KIFC3: variants seen among roughly 807,000 people sequenced by gnomAD.
KIFC3 encodes kinesin family member C3, also known as kinesin-like protein KIFC3.
Under a neutral mutation model 101.8 loss-of-function variants are expected in KIFC3, and 60 were observed. The ratio of observed to expected loss-of-function variants is 0.59; its 90% confidence interval spans 0.48 to 0.73. The LOEUF (loss-of-function observed/expected upper bound fraction) is 0.73, where lower values mean the gene tolerates loss of function less well. Ranked by LOEUF, KIFC3 falls within the 30% of genes least tolerant of loss-of-function variation. KIFC3 has a pLI of 0.00. For synonymous variants in KIFC3, 476 were observed against 482.7 expected (o/e 0.99, Z 0.18); for missense variants, 966 against 1,137.1 (o/e 0.85, Z 2.16).
At chr16:57,844,659 C>T (rs114359874) in intron 1 of KIFC3, among the ~76,000 whole-genome samples, 2,219 of 152,218 alleles carry the variant, frequency 0.015, 57 homozygotes, top group African/African-American at 0.051. Context: ...CTCCCCACCG[C>T]CCCCTCCGCA....
At chr16:57,759,900 C>G in intron 17 of KIFC3, 64 bp from the exon 18 acceptor site, 6 of 1,238,844 alleles carry the variant, frequency 4.8e-6, no homozygotes, top group Non-Finnish European at 6.8e-6. Flanking sequence ...CCCTGCTGTG[C>G]TTCTCTCTAC....
chr16:57,762,338 C>A, intron 12 of KIFC3, 68 bp from the exon 13 acceptor site: 1 of 1,395,296 alleles, frequency 7.2e-7, no homozygotes. Context: ...GGTGTCTGTC[C>A]CCAAAGCCCC....
chr16:57,816,507 C>T lies in KIFC3; in HGVS notation c.109-18225G>A, dbSNP rs782795643. On this transcript the variant is annotated intron_variant, in intron 1 of 2. Coordinates refer to the KIFC3 transcript ENST00000563028. ...ACGGGCCCTGCTGGGAAGCAGCTGA[C>T]GTTCCTTGTCTGCGCCTTACAAAAC... is the stretch of plus-strand genomic sequence containing the variant. 2.4e-4 allele frequency: 111 copies of T among 456,804 alleles called. 1 individual carries two copies. The highest frequency in any genetic ancestry group is 4.7e-4 in the Non-Finnish European group (107 of 227,128). 28.3% of individuals were successfully genotyped at this position (456,804 alleles called of 1,614,324 possible). A position where few individuals can be genotyped will look rare whatever the true frequency, so the allele number is the denominator to read the frequency against.
intron 3 of KIFC3, among the ~76,000 whole-genome samples, chr16:57,793,353 GA>G (rs1477490557): frequency 6.6e-6 from 1 of 151,590 alleles, no homozygotes; most frequent in Non-Finnish European, 1.5e-5. Flanking sequence ...AGCACTTTGG[GA>G]GGCTGGGGCG....
chr16:57,856,700 A>C (rs1201809776), intron 1 of KIFC3, among the ~76,000 whole-genome samples: 1 of 152,172 alleles, frequency 6.6e-6, no homozygotes, highest in African/African-American at 2.4e-5. Context: ...TCAGAAGGAA[A>C]GTGTGTATAT....
chr16:57,765,443 A>G lies in KIFC3; in HGVS notation c.1512+16T>C, dbSNP rs1597906525. The G allele has an allele frequency of 1.0e-5, 16 of 1,558,228 alleles. No homozygotes were observed. Among genetic ancestry groups the G allele is most frequent in the Non-Finnish European group, 1.4e-5 (16 of 1,146,948 alleles). ...CTCTCCCTTGCTTTCCCTTTCCCGC[A>G]TGGGGCCACACTCACGTCCTGCTGC... is the stretch of plus-strand genomic sequence containing the variant. On this transcript the variant is annotated intron_variant, in intron 11 of 19. Coordinates refer to ENST00000445690, the MANE Select transcript of KIFC3 (RefSeq NM_001130100.2).
intron 1 of KIFC3, among the ~76,000 whole-genome samples, chr16:57,822,108 A>G (rs1171634351): frequency 6.6e-6 from 1 of 152,088 alleles, no homozygotes; most frequent in East Asian, 1.9e-4. Context: ...CTAAAACAAA[A>G]AACTGCAAGT....
chr16:57,860,032 T>TAAAAC lies in KIFC3; in HGVS notation c.108+2696_108+2697insGTTTT, dbSNP rs1377738930. On this transcript the variant is annotated intron_variant, in intron 1 of 2. Coordinates refer to the KIFC3 transcript ENST00000563028. ...GTGAGACTCTGTCTCAAAAATAAAA[T>TAAAAC]AAAATAAAATAAAATAAAATAAAAT... is the stretch of plus-strand genomic sequence containing the variant. 4.5e-3 allele frequency among the ~76,000 whole-genome samples: 321 copies of TAAAAC among 71,498 alleles called. 1 individual carries two copies. Among genetic ancestry groups the TAAAAC allele is most frequent in the Non-Finnish European group, 6.1e-3 (248 of 40,642 alleles). 46.9% of individuals were successfully genotyped at this position (71,498 alleles called of 152,430 possible). A position where few individuals can be genotyped will look rare whatever the true frequency, so the allele number is the denominator to read the frequency against.
chr16:57,820,154 C>T (rs1480895321), intron 1 of KIFC3, among the ~76,000 whole-genome samples: 3 of 152,238 alleles, frequency 2.0e-5, no homozygotes, highest in African/African-American at 4.8e-5. Flanking sequence ...CCATTGCACC[C>T]GGCTACCTTC....
At chr16:57,855,957 A>G in intron 1 of KIFC3, among the ~76,000 whole-genome samples, 1 of 151,462 alleles carries the variant, frequency 6.6e-6, no homozygotes, top group East Asian at 1.9e-4. Context: ...AAAAAAAAAA[A>G]AAACCAAAAA....
chr16:57,816,119 T>C (rs1373375508), intron 1 of KIFC3: 8 of 1,058,928 alleles, frequency 7.6e-6, no homozygotes, highest in East Asian at 5.9e-5. Flanking sequence ...CCAGTGGCTC[T>C]GAACCATTTG....
chr16:57,786,322 C>G (rs938874208), intron 3 of KIFC3, among the ~76,000 whole-genome samples: 4 of 152,222 alleles, frequency 2.6e-5, no homozygotes, highest in Non-Finnish European at 4.4e-5. Context: ...CTGAGTCCTC[C>G]TCCTCCAAAG....
At chr16:57,852,422 G>A (rs1456092460) in intron 1 of KIFC3, among the ~76,000 whole-genome samples, 2 of 152,156 alleles carry the variant, frequency 1.3e-5, no homozygotes, top group Non-Finnish European at 2.9e-5. Context: ...CCTAAGAGAA[G>A]GCAGGAGGCC....
intron 3 of KIFC3, among the ~76,000 whole-genome samples, chr16:57,778,991 A>G (rs2052427090): frequency 6.6e-6 from 1 of 152,226 alleles, no homozygotes; most frequent in Admixed American, 6.5e-5. Flanking sequence ...GGGAATGTAA[A>G]ATGGTGCGGC....
intron 1 of KIFC3, among the ~76,000 whole-genome samples, chr16:57,821,165 A>G (rs1390187090): frequency 6.6e-6 from 1 of 151,130 alleles, no homozygotes; most frequent in Admixed American, 6.6e-5. Flanking sequence ...GGAGTCACAG[A>G]TAAATAACCC....
At chr16:57,775,653 C>T (rs920670264) in intron 3 of KIFC3, 198 of 985,408 alleles carry the variant, frequency 2.0e-4, no homozygotes, top group Non-Finnish European at 2.3e-4. Flanking sequence ...CAGCAAGGGC[C>T]GTCCATGTCT....
chr16:57,828,893 G>C (rs1453021674), intron 1 of KIFC3, among the ~76,000 whole-genome samples: 3 of 151,870 alleles, frequency 2.0e-5, no homozygotes, highest in African/African-American at 7.3e-5. Context: ...CAGCCACAAA[G>C]CTGCCTCTCT....
At chr16:57,787,290 G>A (rs972710289) in intron 3 of KIFC3, among the ~76,000 whole-genome samples, 1 of 152,220 alleles carries the variant, frequency 6.6e-6, no homozygotes, top group African/African-American at 2.4e-5. Context: ...TGGGGACAAG[G>A]AGCCTTGCCC....
chr16:57,808,670 A>G (rs1372783341), intron 1 of KIFC3, among the ~76,000 whole-genome samples: 6 of 152,134 alleles, frequency 3.9e-5, no homozygotes, highest in African/African-American at 1.4e-4. Context: ...TTTTCTTTCC[A>G]GTATCTGACC....
Sources: allele counts gnomAD v4.1 joint callset (sites outside exome capture counted in the v4.1 genomes callset), GRCh38; gene constraint gnomAD v4.1.1; transcripts MANE v1.5; gene names NCBI Gene and HGNC (gene_info 2026-07-23, HGNC 2026-07-21).